MZT2A: variants seen among roughly 807,000 people sequenced by gnomAD.
The protein encoded by MZT2A is mitotic-spindle organizing protein 2A.
A neutral mutation model predicts 12.4 loss-of-function variants in MZT2A; 8 were observed. That is an observed-to-expected ratio of 0.64 (90% CI 0.38 to 1.16). MZT2A has a LOEUF of 1.16. Ranked by LOEUF, MZT2A falls within the 50% of genes most tolerant of loss-of-function variation. MZT2A has a pLI of 0.01. For missense variants in MZT2A, 181 were observed against 223.6 expected (o/e 0.81, Z 1.22); for synonymous variants, 88 against 107.5 (o/e 0.82, Z 1.12).
downstream of MZT2A, chr2:131,482,646 T>C (rs780562506): frequency 7.4e-6 from 12 of 1,614,062 alleles, no homozygotes; most frequent in African/African-American, 4.0e-5. Flanking sequence ...ACCACGGCCA[T>C]TGCGGAGGCC....
intron 4 of MZT2A, chr2:131,469,808 CTTT>C (rs1267806186): frequency 1.5e-5 from 2 of 131,520 alleles, no homozygotes; most frequent in Non-Finnish European, 1.5e-5. Context: ...TCCTCCCCCC[CTTT>C]TTTTTTTTTG....
chr2:131,480,750 G>A (rs772787251), downstream of MZT2A: 4 of 1,607,592 alleles, frequency 2.5e-6, no homozygotes, highest in Admixed American at 6.7e-5. Context: ...TGGATTTAAG[G>A]TATGACTGGG....
downstream of MZT2A, chr2:131,480,254 C>T (rs773280519): frequency 8.6e-5 from 138 of 1,613,878 alleles, no homozygotes; most frequent in Non-Finnish European, 1.1e-4. Flanking sequence ...CCTACAACTC[C>T]ATCCTGACCA....
At position 131,491,860 on chromosome 2, in the gene MZT2A, C is replaced by T. The variant is rs889126602; in HGVS notation, c.319+16G>A. ...ACCCCCGCCACTGGGGCAGGGACAG[C>T]GGGCCCAGCTCTGACCTCGGGTCTC... is the stretch of plus-strand genomic sequence containing the variant. On this transcript the variant is annotated intron_variant, in intron 2 of 2. Coordinates refer to ENST00000309451, the MANE Select transcript of MZT2A (RefSeq NM_001085365.2). The T allele has an allele frequency of 1.4e-6, 2 of 1,439,090 alleles. No homozygotes were observed. The highest frequency in any genetic ancestry group is 4.6e-5 in the Admixed American group (2 of 43,860). The allele number at this position is 1,439,090 out of a possible 1,614,324, so 89.1% of individuals were successfully genotyped here. A position where few individuals can be genotyped will look rare whatever the true frequency, so the allele number is the denominator to read the frequency against.
chr2:131,484,396 G>T (rs1301832622), intron 2 of MZT2A, among the ~76,000 whole-genome samples, 178 bp from the exon 3 acceptor site: 1 of 152,240 alleles, frequency 6.6e-6, no homozygotes, highest in Non-Finnish European at 1.5e-5. Flanking sequence ...GACAGGTCAC[G>T]CCCCAGAAGC....
At chr2:131,477,849 G>C (rs1329771725) in intron 2 of MZT2A, among the ~76,000 whole-genome samples, 2 of 152,172 alleles carry the variant, frequency 1.3e-5, no homozygotes, top group African/African-American at 4.8e-5. Context: ...ATTCTTCAGA[G>C]AATTACTGTG....
downstream of MZT2A, chr2:131,482,952 C>T (rs1678913087): frequency 1.3e-6 from 2 of 1,522,736 alleles, no homozygotes; most frequent in South Asian, 1.3e-5. Flanking sequence ...GTGTGTCGTG[C>T]AGCTTAGCTC....
chr2:131,487,847 A>G (rs1339150381), intron 2 of MZT2A, among the ~76,000 whole-genome samples: 2 of 152,152 alleles, frequency 1.3e-5, no homozygotes, highest in African/African-American at 4.8e-5. Context: ...GCTCACTGCA[A>G]CCTCAACCTC....
upstream of MZT2A, chr2:131,492,828 G>A: frequency 2.1e-6 from 3 of 1,453,672 alleles, no homozygotes; most frequent in Non-Finnish European, 9.2e-7. Flanking sequence ...ACGCGCACGC[G>A]CATTCCTTGC....
downstream of MZT2A, among the ~76,000 whole-genome samples, chr2:131,479,866 G>T (rs958228661): frequency 2.6e-5 from 4 of 152,146 alleles, no homozygotes; most frequent in African/African-American, 9.7e-5. Flanking sequence ...ACTTAGACCA[G>T]CATCTTGAGT....
intron 2 of MZT2A, among the ~76,000 whole-genome samples, chr2:131,477,038 T>TTTTC (rs200024818): frequency 0.1 from 14,421 of 140,638 alleles, 2,619 homozygotes; most frequent in African/African-American, 0.36. Flanking sequence ...TTTTTCTTTC[T>TTTTC]TTTTTTTTTT....
chr2:131,476,246 G>T (rs570202778), intron 2 of MZT2A: 1 of 1,613,626 alleles, frequency 6.2e-7, no homozygotes, highest in Non-Finnish European at 8.5e-7. Flanking sequence ...CCAGGCAGAC[G>T]AAGTTGGCCT....
At chr2:131,486,209 T>C (rs1391386658) in intron 2 of MZT2A, among the ~76,000 whole-genome samples, 2 of 151,712 alleles carry the variant, frequency 1.3e-5, no homozygotes. Flanking sequence ...AAGCAGACAA[T>C]AGCCACCACG....
chr2:131,488,814 T>C (rs1679163154), intron 2 of MZT2A, among the ~76,000 whole-genome samples: 1 of 152,120 alleles, frequency 6.6e-6, no homozygotes, highest in Non-Finnish European at 1.5e-5. Context: ...GGACCTGGGC[T>C]ATGCTTCCAG....
At chr2:131,490,350 C>T (rs906543698) in intron 2 of MZT2A, 7 of 1,066,150 alleles carry the variant, frequency 6.6e-6, no homozygotes, top group Middle Eastern at 4.2e-4. Context: ...TAGGGGACAA[C>T]TTCTAAGAGG....
At chr2:131,483,813 T>C (rs1361759755), downstream of MZT2A, 3 of 812,842 alleles carry the variant, frequency 3.7e-6, no homozygotes, top group Non-Finnish European at 5.0e-6. Context: ...TCCAGACACC[T>C]TTCCTCAGAA....
chr2:131,480,021 T>A (rs2104724739), downstream of MZT2A: 1 of 1,530,876 alleles, frequency 6.5e-7, no homozygotes, highest in African/African-American at 1.4e-5. Flanking sequence ...TGGAGGTTGG[T>A]GGTGTGGCTT....
At chr2:131,472,917 C>T (rs1021048087) in intron 2 of MZT2A, among the ~76,000 whole-genome samples, 7 of 151,410 alleles carry the variant, frequency 4.6e-5, no homozygotes, top group African/African-American at 1.7e-4. Flanking sequence ...TGGTGTCCCC[C>T]CCCACCAATA....
downstream of MZT2A, chr2:131,480,807 G>A: frequency 3.2e-6 from 5 of 1,570,212 alleles, no homozygotes; most frequent in Non-Finnish European, 4.3e-6. Context: ...AAATAACACT[G>A]GCCCTGAAGG....
Sources: allele counts gnomAD v4.1 joint callset (sites outside exome capture counted in the v4.1 genomes callset), GRCh38; gene constraint gnomAD v4.1.1; transcripts MANE v1.5; gene names NCBI Gene and HGNC (gene_info 2026-07-23, HGNC 2026-07-21).